Variants in SNTG1 observed in about 807,000 individuals in gnomAD.
SNTG1 encodes gamma-1-syntrophin.
SNTG1 carries 39 observed loss-of-function variants against 74.7 expected under a neutral mutation model. The observed-to-expected ratio is 0.52, with a 90% CI of 0.40 to 0.68. SNTG1 has a LOEUF of 0.68. Among genes scored for constraint, SNTG1 ranks in the 30% least tolerant of loss-of-function variants. The pLI, the probability that SNTG1 is intolerant of heterozygous loss-of-function variation, is 0.00. For synonymous variants in SNTG1, 254 were observed against 217.1 expected, an observed-to-expected ratio of 1.17 and a Z score of -1.49; for missense variants, 685 against 609.5, an observed-to-expected ratio of 1.12 and a Z score of -1.30.
chr8:50,082,580 A>G (rs953197621), intron 1 of SNTG1, among the ~76,000 whole-genome samples: 1 of 152,154 alleles, frequency 6.6e-6, no homozygotes, highest in African/African-American at 2.4e-5. Context: ...TAAGAGCGGT[A>G]AAAGAATGTG....
chr8:50,562,457 A>C (rs1033827817), intron 12 of SNTG1, among the ~76,000 whole-genome samples: 3 of 152,238 alleles, frequency 2.0e-5, no homozygotes, highest in African/African-American at 7.2e-5. Flanking sequence ...TGCAATTCAA[A>C]GAAAGCAGTA....
chr8:50,714,058 C>T (rs1435311810), intron 17 of SNTG1, among the ~76,000 whole-genome samples: 9 of 104,928 alleles, frequency 8.6e-5, no homozygotes, highest in Non-Finnish European at 1.3e-4. Flanking sequence ...GACTCCATTT[C>T]AAAAAAAAAA....
At chr8:50,129,508 TGA>T (rs1243983998) in intron 1 of SNTG1, among the ~76,000 whole-genome samples, 3 of 152,124 alleles carry the variant, frequency 2.0e-5, no homozygotes, top group Non-Finnish European at 4.4e-5. Context: ...TGTCTTGGCC[TGA>T]GTTGTCAGCA....
chr8:50,536,615 T>G, intron 10 of SNTG1, 63 bp from the exon 11 acceptor site: 135 of 1,568,136 alleles, frequency 8.6e-5, no homozygotes, highest in Non-Finnish European at 1.0e-4. Context: ...AAAAGGGGTT[T>G]GAGATACAGA....
chr8:50,245,470 A>C (rs896098032), intron 2 of SNTG1, among the ~76,000 whole-genome samples: 3 of 152,038 alleles, frequency 2.0e-5, no homozygotes, highest in Admixed American at 2.0e-4. Flanking sequence ...ATCACCTGAG[A>C]TCAAAAGATC....
intron 1 of SNTG1, among the ~76,000 whole-genome samples, chr8:50,048,321 T>G (rs1239310847): frequency 6.6e-6 from 1 of 152,148 alleles, no homozygotes; most frequent in East Asian, 1.9e-4. Context: ...ATGCCCAGCA[T>G]TCACAGTAAA....
chr8:50,279,967 T>C (rs1318507759), intron 2 of SNTG1, among the ~76,000 whole-genome samples: 1 of 152,200 alleles, frequency 6.6e-6, no homozygotes, highest in Non-Finnish European at 1.5e-5. Flanking sequence ...AAATGGATAT[T>C]TCCTTATAGA....
chr8:50,263,597 G>T (rs1012251581), intron 2 of SNTG1, among the ~76,000 whole-genome samples: 1 of 151,882 alleles, frequency 6.6e-6, no homozygotes, highest in African/African-American at 2.4e-5. Flanking sequence ...AGATTTAAAG[G>T]TTAAAAAATT....
intron 4 of SNTG1, among the ~76,000 whole-genome samples, chr8:50,407,223 C>T (rs538827922): frequency 1.3e-5 from 2 of 152,238 alleles, no homozygotes; most frequent in Admixed American, 1.3e-4. Flanking sequence ...AAAGTCTCAT[C>T]TGAGTATTAC....
chr8:50,012,195 A>G (rs1430082606), intron 1 of SNTG1, among the ~76,000 whole-genome samples: 1 of 152,174 alleles, frequency 6.6e-6, no homozygotes, highest in Non-Finnish European at 1.5e-5. Context: ...CCACATGAGC[A>G]CATTGGCTTT....
chr8:50,352,105 G>A (rs1041770196), intron 2 of SNTG1, among the ~76,000 whole-genome samples: 2 of 152,136 alleles, frequency 1.3e-5, no homozygotes, highest in Admixed American at 6.5e-5. Flanking sequence ...ACTTTGATCT[G>A]AAACAGACTT....
Position 50,751,983 on chromosome 8 carries a change from T to TC in SNTG1, c.1285-18_1285-17insC. The TC allele has an allele frequency of 6.8e-7, 1 of 1,464,368 alleles. No individual in the cohort carries two copies. The highest frequency in any genetic ancestry group is 1.5e-5 in the African/African-American group (1 of 66,356). The allele number at this position is 1,464,368 out of a possible 1,614,324, so 90.7% of individuals were successfully genotyped here. ...TATTAATTCCACCGACTTACATTGT[T>TC]TTTTTTCCCCCCTTTAGGCTGTCCT... is the stretch of plus-strand genomic sequence containing the variant. On this transcript the variant is annotated splice_polypyrimidine_tract_variant and intron_variant, in intron 17 of 18. Coordinates refer to ENST00000642720, the MANE Select transcript of SNTG1 (RefSeq NM_018967.5).
chr8:49,969,119 G>A (rs1221265114), intron 1 of SNTG1, among the ~76,000 whole-genome samples: 1 of 152,028 alleles, frequency 6.6e-6, no homozygotes, highest in Non-Finnish European at 1.5e-5. Context: ...ATGGATTGGT[G>A]GCTTGTATGT....
intron 1 of SNTG1, among the ~76,000 whole-genome samples, chr8:49,955,673 C>T (rs532181974): frequency 1.3e-5 from 2 of 152,298 alleles, no homozygotes; most frequent in African/African-American, 4.8e-5. Context: ...TCCCAATATT[C>T]GCATTGGCAG....
intron 2 of SNTG1, among the ~76,000 whole-genome samples, chr8:50,244,506 T>A (rs1299188016): frequency 8.5e-5 from 13 of 152,164 alleles, no homozygotes; most frequent in Admixed American, 8.5e-4. Context: ...ACCATATCCA[T>A]CTGATTCCAA....
intron 13 of SNTG1, among the ~76,000 whole-genome samples, chr8:50,618,433 T>C (rs1353245904): frequency 1.3e-5 from 2 of 152,206 alleles, no homozygotes; most frequent in Non-Finnish European, 2.9e-5. Flanking sequence ...ATCTCTATGG[T>C]AAAATGTTTA....
intron 5 of SNTG1, among the ~76,000 whole-genome samples, chr8:50,442,669 TTGTC>T (rs1359365224): frequency 8.1e-6 from 1 of 123,928 alleles, no homozygotes; most frequent in African/African-American, 3.1e-5. Flanking sequence ...TTGTATTAAT[TTGTC>T]TATCAGTAAA....
chr8:50,288,029 T>G (rs192807799), intron 2 of SNTG1, among the ~76,000 whole-genome samples: 73 of 152,262 alleles, frequency 4.8e-4, no homozygotes. Flanking sequence ...GCATTTATAT[T>G]ATAGACCTTT....
intron 18 of SNTG1, among the ~76,000 whole-genome samples, chr8:50,783,044 G>C (rs1194008710): frequency 1.3e-5 from 2 of 152,176 alleles, no homozygotes; most frequent in Admixed American, 1.3e-4. Context: ...AAATGCTGCT[G>C]TCTGATCGTT....
Sources: allele counts gnomAD v4.1 joint callset (sites outside exome capture counted in the v4.1 genomes callset), GRCh38; gene constraint gnomAD v4.1.1; transcripts MANE v1.5; gene names NCBI Gene and HGNC (gene_info 2026-07-23, HGNC 2026-07-21).